Variants in EIF2A observed in about 807,000 individuals in gnomAD.
The protein encoded by EIF2A is eukaryotic translation initiation factor 2A, also known as 65 kDa eukaryotic translation initiation factor 2A.
In EIF2A, 62 loss-of-function variants were observed where a neutral mutation model predicts 75.2. The ratio of observed to expected loss-of-function variants is 0.82; its 90% CI spans 0.67 to 1.02. The LOEUF is 1.02. Ranked by LOEUF, EIF2A falls within the 50% of genes least tolerant of loss-of-function variation. EIF2A has a pLI of 0.00. For synonymous variants in EIF2A, 207 were observed against 239.0 expected, an observed-to-expected ratio of 0.87 and a Z score of 1.23; for missense variants, 611 against 677.7, an observed-to-expected ratio of 0.90 and a Z score of 1.09.
intron 1 of EIF2A, among the ~76,000 whole-genome samples, chr3:150,551,405 C>G (rs73001328): frequency 0.025 from 3,732 of 152,070 alleles, 168 homozygotes; most frequent in African/African-American, 0.086. Flanking sequence ...TTATTTGGTT[C>G]AGCTTTAGAA....
chr3:150,583,818 A>G (rs754504261), intron 13 of EIF2A, 28 bp from the exon 14 acceptor site: 2 of 1,607,302 alleles, frequency 1.2e-6, no homozygotes, highest in South Asian at 2.2e-5. Context: ...TTATTTCATA[A>G]TAACTTCATT....
chr3:150,577,478 C>CT (rs1724941199), intron 11 of EIF2A, among the ~76,000 whole-genome samples: 1 of 152,044 alleles, frequency 6.6e-6, no homozygotes, highest in South Asian at 2.1e-4. Flanking sequence ...GTAACTAGGA[C>CT]TGTACATGTA....
intron 10 of EIF2A, among the ~76,000 whole-genome samples, chr3:150,574,410 A>G (rs545559433): frequency 6.6e-6 from 1 of 152,278 alleles, no homozygotes; most frequent in Admixed American, 6.5e-5. Context: ...ATTTTTCATC[A>G]AAGTTCTGAG....
rs772630537 is a variant in EIF2A at position 150,563,503 on chromosome 3, A to C, written c.293-12A>C. On this transcript the variant is annotated splice_polypyrimidine_tract_variant and intron_variant, in intron 4 of 13. Coordinates refer to ENST00000460851, the MANE Select transcript of EIF2A (RefSeq NM_032025.5). ...ACAAGGCAATTACTGAAAAAAAGAA[A>C]TTTTATTGCAGCTTCTAAAGATGGC... is the stretch of plus-strand genomic sequence containing the variant. 1.3e-6 allele frequency: 2 copies of C among 1,539,662 alleles called. No individual in the cohort carries two copies. Among genetic ancestry groups the C allele is most frequent in the Non-Finnish European group, 8.7e-7 (1 of 1,143,222 alleles).
chr3:150,550,384 T>C (rs916122553), intron 1 of EIF2A, among the ~76,000 whole-genome samples: 1 of 152,254 alleles, frequency 6.6e-6, no homozygotes, highest in Admixed American at 6.5e-5. Context: ...CCTATTTATT[T>C]TTGCTTTTAT....
At chr3:150,565,053 A>G (rs1724093623) in intron 6 of EIF2A, 9 of 376,734 alleles carry the variant, frequency 2.4e-5, no homozygotes, top group South Asian at 1.9e-4. Flanking sequence ...TTCCCACTCT[A>G]TCTGTTATTT....
intron 4 of EIF2A, among the ~76,000 whole-genome samples, chr3:150,563,161 TA>T (rs772561936): frequency 6.6e-6 from 1 of 152,190 alleles, no homozygotes; most frequent in Non-Finnish European, 1.5e-5. Context: ...AAAATAGTTA[TA>T]GGGGCTTATT....
chr3:150,574,473 A>G (rs754072285), intron 10 of EIF2A, among the ~76,000 whole-genome samples: 1 of 152,220 alleles, frequency 6.6e-6, no homozygotes, highest in Non-Finnish European at 1.5e-5. Flanking sequence ...CTATTGAAAG[A>G]ATTTTCATAT....
Position 150,584,606 on chromosome 3 carries a change from A to T in EIF2A, c.*695A>T, listed in dbSNP as rs1438332924. On this transcript the variant is annotated 3_prime_UTR_variant, in exon 14 of 14. Coordinates refer to ENST00000460851, the MANE Select transcript of EIF2A (RefSeq NM_032025.5). Reference sequence around the variant, plus strand: ...TTTCCACACTGTTGGCAATATCAGAAGTGATAAGGCTTTGAAATGTTCGCC... The same window carrying T: ...TTTCCACACTGTTGGCAATATCAGATGTGATAAGGCTTTGAAATGTTCGCC... Among the ~76,000 whole-genome samples, 1 of 152,196 alleles carries T rather than the reference A, an allele frequency of 6.6e-6. No individual in the cohort carries two copies. Among genetic ancestry groups the T allele is most frequent in the African/African-American group, 2.4e-5 (1 of 41,456 alleles).
At chr3:150,563,475 G>T (rs1346543159) in intron 4 of EIF2A, 40 bp from the exon 5 acceptor site, 1 of 1,450,390 alleles carries the variant, frequency 6.9e-7, no homozygotes. Flanking sequence ...CTTTACAAAT[G>T]TTACAAGGCA....
intron 2 of EIF2A, among the ~76,000 whole-genome samples, chr3:150,556,173 GC>G (rs1384668185): frequency 4.6e-5 from 7 of 152,274 alleles, no homozygotes; most frequent in Admixed American, 1.3e-4. Flanking sequence ...AGGCGTGGCA[GC>G]AGGAAGAGTT....
Position 150,581,531 on chromosome 3 carries a change from T to C in EIF2A, c.1498-87T>C, listed in dbSNP as rs80134175. ...TAGATAAAATCACATATTTAGTTTC[T>C]GTATTTCATATGCCAAAGCTATGTT... On this transcript the variant is annotated intron_variant, in intron 11 of 13. Coordinates refer to ENST00000460851, the MANE Select transcript of EIF2A (RefSeq NM_032025.5). 4.2e-6 allele frequency: 6 copies of C among 1,439,752 alleles called. No homozygotes were observed. The East Asian group carries it at 1.5e-4, about 36-fold the overall frequency. The allele number at this position is 1,439,752 out of a possible 1,614,324, so 89.2% of individuals were successfully genotyped here.
At chr3:150,556,123 C>T (rs1723551532) in intron 2 of EIF2A, among the ~76,000 whole-genome samples, 2 of 152,132 alleles carry the variant, frequency 1.3e-5, no homozygotes, top group Non-Finnish European at 2.9e-5. Context: ...CAAAGACAAC[C>T]AGTGGCGTTA....
intron 3 of EIF2A, among the ~76,000 whole-genome samples, chr3:150,561,009 GTCATTGT>G (rs1723824802): frequency 6.6e-6 from 1 of 152,174 alleles, no homozygotes; most frequent in Admixed American, 6.5e-5. Context: ...TGTCATTTTT[GTCATTGT>G]ACCATAATAA....
intron 1 of EIF2A, among the ~76,000 whole-genome samples, chr3:150,551,567 C>CAAA (rs11430778): frequency 7.0e-6 from 1 of 142,182 alleles, no homozygotes; most frequent in Non-Finnish European, 1.5e-5. Flanking sequence ...TCTGTCTCTA[C>CAAA]AAAAAAAAAA....
chr3:150,561,079 A>G (rs1723827914), intron 3 of EIF2A, among the ~76,000 whole-genome samples: 1 of 152,138 alleles, frequency 6.6e-6, no homozygotes, highest in Non-Finnish European at 1.5e-5. Context: ...GTAGACATCA[A>G]ATGTCTCCTT....
chr3:150,572,990 C>G lies in EIF2A; in HGVS notation c.1383+461C>G, dbSNP rs562850405. Among the ~76,000 whole-genome samples, 4 of 151,832 alleles carry G rather than the reference C, an allele frequency of 2.6e-5. No individual in the cohort carries two copies. The South Asian group carries it at 8.3e-4, about 31-fold the overall frequency. ...TATGTAAAATTATATAAAGACATAA[C>G]ATGATATTTATTTGTATTTATCATA... is the stretch of plus-strand genomic sequence containing the variant. On this transcript the variant is annotated intron_variant, in intron 10 of 13. Transcript: ENST00000460851.
At position 150,572,291 on chromosome 3, in the gene EIF2A, G is replaced by C; in HGVS notation, c.1145G>C (p.Arg382Pro). The C allele has an allele frequency of 1.2e-6, 2 of 1,613,816 alleles. No homozygotes were observed. Among genetic ancestry groups the C allele is most frequent in the Non-Finnish European group, 1.7e-6 (2 of 1,179,840 alleles). ...ACAGCTACATGTGCTCCCAGGTTAC[G>C]GGTTAATAATGGATACAAAATTTGG... ...ILTATCAPRL[R>P]VNNGYKIWHY... The change falls in exon 10 of 14, where the codon CGG (arginine) becomes CCG (proline). Residue 382 changes from arginine (R) to proline (P), a missense_variant. Physicochemically the swap from Arg to Pro is moderately radical, Grantham distance 103. Coordinates refer to ENST00000460851, the MANE Select transcript of EIF2A (RefSeq NM_032025.5).
At chr3:150,575,166 T>C (rs1173837167) in intron 10 of EIF2A, among the ~76,000 whole-genome samples, 1 of 152,228 alleles carries the variant, frequency 6.6e-6, no homozygotes, top group Non-Finnish European at 1.5e-5. Context: ...CTATTTCATT[T>C]ATTTTCTTAT....
Sources: allele counts gnomAD v4.1 joint callset (sites outside exome capture counted in the v4.1 genomes callset), GRCh38; gene constraint gnomAD v4.1.1; transcripts MANE v1.5; gene names NCBI Gene and HGNC (gene_info 2026-07-23, HGNC 2026-07-21).